The following CSMD3 variants were observed in gnomAD, a reference collection of about 807,000 sequenced individuals.
CSMD3 encodes CUB and sushi domain-containing protein 3.
CSMD3 carries 177 observed loss-of-function variants against 435.2 expected under a neutral mutation model. The ratio of observed to expected loss-of-function variants is 0.41; its 90% CI spans 0.36 to 0.46. The LOEUF (loss-of-function observed/expected upper bound fraction) is 0.46, where lower values mean the gene tolerates loss of function less well. Ranked by LOEUF, CSMD3 falls within the 20% of genes least tolerant of loss-of-function variation. The pLI, the probability that CSMD3 is intolerant of heterozygous loss-of-function variation, is 0.34. For synonymous variants in CSMD3, 1,656 were observed against 1,520.5 expected (o/e 1.09, Z -2.07); for missense variants, 4,265 against 4,504.6 (o/e 0.95, Z 1.52).
intron 5 of CSMD3, among the ~76,000 whole-genome samples, chr8:113,063,886 G>C (rs914336587): frequency 5.3e-5 from 8 of 151,682 alleles, no homozygotes; most frequent in Non-Finnish European, 1.2e-4. Flanking sequence ...ATAGATGATA[G>C]TAATAGGTGA....
intron 2 of CSMD3, among the ~76,000 whole-genome samples, chr8:113,305,442 C>T (rs1433267762): frequency 6.6e-6 from 1 of 152,088 alleles, no homozygotes; most frequent in East Asian, 1.9e-4. Flanking sequence ...TGCTGTTTTA[C>T]CGAAAGCAGG....
intron 13 of CSMD3, among the ~76,000 whole-genome samples, chr8:112,690,530 C>T (rs569589903): frequency 6.6e-6 from 1 of 151,680 alleles, no homozygotes; most frequent in East Asian, 1.9e-4. Flanking sequence ...GAATACCTCT[C>T]ACCTAAGATC....
At chr8:113,206,395 C>T (rs1563545402) in intron 3 of CSMD3, among the ~76,000 whole-genome samples, 1 of 152,064 alleles carries the variant, frequency 6.6e-6, no homozygotes, top group African/African-American at 2.4e-5. Context: ...ACCAATAATC[C>T]TAAGAGTGAA....
intron 29 of CSMD3, among the ~76,000 whole-genome samples, chr8:112,506,129 C>A (rs1341177385): frequency 1.3e-5 from 2 of 151,992 alleles, no homozygotes; most frequent in Admixed American, 6.6e-5. Context: ...TACTAATTAG[C>A]AATGTACCAC....
chr8:112,780,952 G>A (rs1172422491), intron 13 of CSMD3, among the ~76,000 whole-genome samples: 1 of 152,070 alleles, frequency 6.6e-6, no homozygotes, highest in Non-Finnish European at 1.5e-5. Context: ...CAGTGAATAT[G>A]AGGTTCATAC....
At chr8:113,236,290 T>C (rs2093148261) in intron 3 of CSMD3, among the ~76,000 whole-genome samples, 1 of 152,206 alleles carries the variant, frequency 6.6e-6, no homozygotes, top group Admixed American at 6.6e-5. Flanking sequence ...CTTAAGGCAC[T>C]AGCTGCTGTC....
chr8:112,982,958 A>G lies in CSMD3; in HGVS notation c.1031-6810T>C, dbSNP rs146834112. On this transcript the variant is annotated intron_variant, in intron 6 of 70. Transcript: ENST00000297405. ...TTTGTTTTATATTTCATGTGCTAGA[A>G]TAGAGGTATGAAAAAGAGGAAGAAA... Among the ~76,000 whole-genome samples the G allele has an allele frequency of 6.6e-3, 998 of 152,090 alleles. 12 individuals carry two copies. The highest frequency in any genetic ancestry group is 0.023 in the African/African-American group (957 of 41,548).
chr8:112,887,599 T>C (rs72680282), intron 10 of CSMD3, among the ~76,000 whole-genome samples: 2,752 of 151,752 alleles, frequency 0.018, 49 homozygotes, highest in Non-Finnish European at 0.028. Flanking sequence ...AGCAAAGTTT[T>C]ACAAATATGT....
intron 24 of CSMD3, among the ~76,000 whole-genome samples, chr8:112,572,446 T>C (rs1455586496): frequency 1.3e-5 from 2 of 152,098 alleles, no homozygotes; most frequent in Non-Finnish European, 2.9e-5. Flanking sequence ...CTACTATTTC[T>C]TATACCATTA....
intron 22 of CSMD3, among the ~76,000 whole-genome samples, chr8:112,612,956 G>C (rs1013323902): frequency 1.3e-5 from 2 of 151,172 alleles, no homozygotes; most frequent in Admixed American, 6.6e-5. Flanking sequence ...TGGTTGAAGG[G>C]GTGGTCTGAG....
At chr8:112,340,516 C>T (rs1200920590) in intron 42 of CSMD3, among the ~76,000 whole-genome samples, 1 of 152,064 alleles carries the variant, frequency 6.6e-6, no homozygotes, top group African/African-American at 2.4e-5. Flanking sequence ...CTCCAATGAA[C>T]AACCCAATTG....
intron 3 of CSMD3, among the ~76,000 whole-genome samples, chr8:113,242,479 A>G (rs907208954): frequency 2.0e-5 from 3 of 152,034 alleles, no homozygotes; most frequent in African/African-American, 7.2e-5. Flanking sequence ...CAGAATGACT[A>G]AAGTTCACCA....
At chr8:113,258,250 G>A (rs1226069680) in intron 3 of CSMD3, among the ~76,000 whole-genome samples, 1 of 152,148 alleles carries the variant, frequency 6.6e-6, no homozygotes, top group Non-Finnish European at 1.5e-5. Context: ...AGATAGACAG[G>A]ACTGTATTCC....
intron 4 of CSMD3, among the ~76,000 whole-genome samples, chr8:113,146,587 A>G (rs1417376568): frequency 1.3e-5 from 2 of 151,662 alleles, no homozygotes; most frequent in Non-Finnish European, 3.0e-5. Context: ...GAAGGCAAAG[A>G]ATATGCATTA....
chr8:112,907,121 T>A (rs761895570), intron 10 of CSMD3, among the ~76,000 whole-genome samples: 1 of 151,526 alleles, frequency 6.6e-6, no homozygotes, highest in East Asian at 1.9e-4. Context: ...AAGGGAAAAG[T>A]TAATTCAGGA....
intron 4 of CSMD3, among the ~76,000 whole-genome samples, chr8:113,173,398 T>C (rs1247526958): frequency 1.3e-5 from 2 of 152,120 alleles, no homozygotes; most frequent in African/African-American, 4.8e-5. Context: ...CTCAGCTCAC[T>C]GCAGCCTCCA....
At chr8:113,231,350 T>A (rs371241024) in intron 3 of CSMD3, among the ~76,000 whole-genome samples, 8 of 151,294 alleles carry the variant, frequency 5.3e-5, no homozygotes, top group Non-Finnish European at 8.9e-5. Context: ...TGGATATATA[T>A]CTTTCTAAAA....
chr8:113,165,957 A>T (rs541729167), intron 4 of CSMD3, among the ~76,000 whole-genome samples: 1 of 152,040 alleles, frequency 6.6e-6, no homozygotes, highest in Non-Finnish European at 1.5e-5. Flanking sequence ...TAAGAACAGG[A>T]AGCTTTGATT....
chr8:112,960,418 A>C (rs894260236), intron 7 of CSMD3, among the ~76,000 whole-genome samples: 17 of 151,792 alleles, frequency 1.1e-4, no homozygotes, highest in Non-Finnish European at 2.4e-4. Flanking sequence ...AAAACAATAC[A>C]TCTTATAAAT....
Sources: gnomAD v4.1 joint callset for allele counts (sites outside exome capture counted in the v4.1 genomes callset) on GRCh38, gnomAD v4.1.1 for gene constraint, MANE v1.5 for transcripts, NCBI Gene and HGNC (gene_info 2026-07-23, HGNC 2026-07-21) for gene names.